Variants in CEPT1 observed in about 807,000 individuals in gnomAD.
CEPT1 encodes the protein choline/ethanolamine phosphotransferase 1.
In CEPT1, 7 loss-of-function variants were observed where a neutral mutation model predicts 42.6. The observed-to-expected ratio is 0.16, with a 90% CI of 0.09 to 0.31. CEPT1 has a LOEUF of 0.31. CEPT1 is among the 10% of genes least tolerant of loss of function. The pLI, the probability that CEPT1 is intolerant of heterozygous loss-of-function variation, is 1.00. For missense variants in CEPT1, 306 were observed against 502.1 expected, an observed-to-expected ratio of 0.61 and a Z score of 3.73; for synonymous variants, 171 against 171.9, an observed-to-expected ratio of 0.99 and a Z score of 0.04.
In CEPT1 at chr1:111,145,957, T is replaced by C. The variant is rs558777061; in HGVS notation, c.-73-1685T>C. ...TGAGCATGTTTTGATAGTAGATCTA[T>C]TGTCGAGATGTCCTAGACCTATACC... On this transcript the variant is annotated intron_variant, in intron 1 of 8. Transcript: ENST00000357172. Among the ~76,000 whole-genome samples the C allele has an allele frequency of 8.5e-5, 13 of 152,358 alleles. No individual in the cohort carries two copies. The East Asian group carries it at 2.3e-3, about 27-fold the overall frequency.
intron 4 of CEPT1, among the ~76,000 whole-genome samples, chr1:111,168,146 C>T (rs759696136): frequency 6.6e-6 from 1 of 152,050 alleles, no homozygotes; most frequent in Non-Finnish European, 1.5e-5. Flanking sequence ...AGCACTGGAA[C>T]TACAGGCATG....
intron 4 of CEPT1, chr1:111,173,039 C>G (rs1026756466): frequency 2.0e-5 from 3 of 152,184 alleles, no homozygotes; most frequent in African/African-American, 7.2e-5. Context: ...ATCCATGGTA[C>G]AAAGATTAAT....
intron 2 of CEPT1, among the ~76,000 whole-genome samples, chr1:111,150,347 T>G (rs72691286): frequency 1.6e-3 from 243 of 152,348 alleles, no homozygotes; most frequent in Non-Finnish European, 1.9e-3. Context: ...GGTTATTGTT[T>G]CATTGATCAA....
chr1:111,160,967 A>G (rs959816249), intron 3 of CEPT1, 188 bp from the exon 4 acceptor site: 5 of 627,282 alleles, frequency 8.0e-6, no homozygotes, highest in Non-Finnish European at 1.1e-5. Flanking sequence ...AAAAAAAAAA[A>G]AAAGAGAGAT....
At chr1:111,166,490 A>G (rs2490334) in intron 4 of CEPT1, among the ~76,000 whole-genome samples, 106,231 of 152,022 alleles carry the variant, frequency 0.7, 37,621 homozygotes, top group African/African-American at 0.82. Context: ...TTCTGGACTA[A>G]AGATTATCAG....
At chr1:111,152,048 G>A (rs551783784) in intron 2 of CEPT1, among the ~76,000 whole-genome samples, 2 of 152,236 alleles carry the variant, frequency 1.3e-5, no homozygotes, top group African/African-American at 4.8e-5. Context: ...GACAGAAAAA[G>A]GAAGTTGGTG....
chr1:111,156,281 G>A (rs930945679), intron 2 of CEPT1, among the ~76,000 whole-genome samples: 5 of 152,078 alleles, frequency 3.3e-5, no homozygotes, highest in Non-Finnish European at 5.9e-5. Flanking sequence ...TGACCCCAAC[G>A]CAAATATTTA....
At position 111,147,781 on chromosome 1, in the gene CEPT1, G is replaced by T. The variant is rs774852398; in HGVS notation, c.67G>T (p.Gly23Trp). 1 of 1,613,964 alleles carries T rather than the reference G, an allele frequency of 6.2e-7. No individual in the cohort carries two copies. Among genetic ancestry groups the T allele is most frequent in the South Asian group, 1.1e-5 (1 of 91,064 alleles). Residue 23 changes from glycine (G) to tryptophan (W), a missense_variant, in exon 2 of 9, where the codon GGG becomes TGG. Physicochemically the swap from Gly to Trp is radical, Grantham distance 184 (BLOSUM62 -2). Transcript: ENST00000357172. ...TCACCCGGAGTCCCCAGTGGGCTTCGGGCATATGAGTACTACAGGATGTGT... is the reference window on the plus strand; with the variant it reads ...TCACCCGGAGTCCCCAGTGGGCTTCTGGCATATGAGTACTACAGGATGTGT... Reference protein sequence around the residue: ...DSHPESPVGFGHMSTTGCVLN... With the variant: ...DSHPESPVGFWHMSTTGCVLN...
At chr1:111,159,233 T>G in intron 2 of CEPT1, 147 bp from the exon 3 acceptor site, 2 of 731,448 alleles carry the variant, frequency 2.7e-6, no homozygotes, top group Non-Finnish European at 4.4e-6. Flanking sequence ...CAATTCTAAT[T>G]GTTTCAGTGA....
intron 2 of CEPT1, among the ~76,000 whole-genome samples, chr1:111,159,106 G>T (rs1655737874): frequency 6.7e-6 from 1 of 149,816 alleles, no homozygotes; most frequent in African/African-American, 2.5e-5. Context: ...GTAGAGACGG[G>T]GTTTCACCGT....
At chr1:111,168,836 T>A (rs1319458495) in intron 4 of CEPT1, among the ~76,000 whole-genome samples, 6 of 152,180 alleles carry the variant, frequency 3.9e-5, no homozygotes, top group African/African-American at 9.7e-5. Context: ...GGGAGGGATA[T>A]TCTGCATCTT....
At position 111,169,130 on chromosome 1, in the gene CEPT1, A is replaced by G. The variant is rs145210247; in HGVS notation, c.630-5749A>G. 6.9e-3 allele frequency among the ~76,000 whole-genome samples: 1,047 copies of G among 152,308 alleles called. 11 individuals are homozygous for G. Among genetic ancestry groups the G allele is most frequent in the African/African-American group, 0.024 (980 of 41,558 alleles). On this transcript the variant is annotated intron_variant, in intron 4 of 8. Coordinates refer to ENST00000357172, the MANE Select transcript of CEPT1 (RefSeq NM_006090.5). ...TCTGTACGTGTTCAGTACAGACACA[A>G]CTTTTAATATTTTTGACCTGTGGTT...
chr1:111,176,213 A>C (rs1022838822), intron 5 of CEPT1, among the ~76,000 whole-genome samples: 1 of 152,216 alleles, frequency 6.6e-6, no homozygotes, highest in Admixed American at 6.5e-5. Context: ...TATGTATCTT[A>C]GATTTCACTA....
chr1:111,149,295 C>G (rs1476782990), intron 2 of CEPT1, among the ~76,000 whole-genome samples: 1 of 112,920 alleles, frequency 8.9e-6, no homozygotes, highest in Non-Finnish European at 1.7e-5. Context: ...CAGGGTCTGC[C>G]TTTGTCACCC....
At chr1:111,160,952 G>GT (rs1655836883) in intron 3 of CEPT1, 9 of 515,716 alleles carry the variant, frequency 1.7e-5, no homozygotes, top group South Asian at 1.1e-4. Context: ...AAGTGATTTG[G>GT]TAAAAAAAAA....
upstream of CEPT1, chr1:111,139,508 A>G (rs996999819): frequency 6.6e-6 from 1 of 152,264 alleles, no homozygotes; most frequent in Non-Finnish European, 1.5e-5. Flanking sequence ...CACAACAGGA[A>G]CGTGTACTCA....
intron 7 of CEPT1, among the ~76,000 whole-genome samples, chr1:111,183,252 TG>T (rs1029155132): frequency 2.0e-5 from 3 of 152,226 alleles, no homozygotes; most frequent in African/African-American, 7.2e-5. Context: ...TAAGGCTTCT[TG>T]TGAAAAGCAT....
At chr1:111,144,198 T>C (rs1654822986) in intron 1 of CEPT1, among the ~76,000 whole-genome samples, 1 of 152,222 alleles carries the variant, frequency 6.6e-6, no homozygotes, top group Non-Finnish European at 1.5e-5. Context: ...TCCTGTCTTT[T>C]CTGTAATGGT....
intron 3 of CEPT1, chr1:111,160,953 T>TAAAAAAAAAA (rs71096395): frequency 2.4e-6 from 1 of 424,234 alleles, no homozygotes; most frequent in Non-Finnish European, 4.1e-6. Flanking sequence ...AGTGATTTGG[T>TAAAAAAAAAA]AAAAAAAAAA....
Sources: gnomAD v4.1 joint callset for allele counts (sites outside exome capture counted in the v4.1 genomes callset) on GRCh38, gnomAD v4.1.1 for gene constraint, MANE v1.5 for transcripts, NCBI Gene and HGNC (gene_info 2026-07-23, HGNC 2026-07-21) for gene names.